TRAPPC9: variants seen among roughly 807,000 people sequenced by gnomAD.
TRAPPC9 encodes IKK2 binding protein.
Under a neutral mutation model 124.0 loss-of-function variants are expected in TRAPPC9, and 83 were observed. The ratio of observed to expected loss-of-function variants is 0.67; its 90% CI spans 0.56 to 0.80. The LOEUF is 0.80. Ranked by LOEUF, TRAPPC9 falls within the 30% of genes least tolerant of loss-of-function variation. The pLI, the probability that TRAPPC9 is intolerant of heterozygous loss-of-function variation, is 0.00. For synonymous variants in TRAPPC9, 638 were observed against 617.5 expected, an observed-to-expected ratio of 1.03 and a Z score of -0.49; for missense variants, 1,302 against 1,508.3, an observed-to-expected ratio of 0.86 and a Z score of 2.27.
chr8:140,272,190 T>C (rs1316230789), intron 15 of TRAPPC9, among the ~76,000 whole-genome samples: 1 of 121,246 alleles, frequency 8.2e-6, no homozygotes, highest in Non-Finnish European at 1.6e-5. Context: ...GTGGTTATGG[T>C]GGTGATGGTG....
At chr8:140,403,159 T>G (rs2069341207) in intron 6 of TRAPPC9, among the ~76,000 whole-genome samples, 1 of 152,198 alleles carries the variant, frequency 6.6e-6, no homozygotes, top group Non-Finnish European at 1.5e-5. Flanking sequence ...CCAGGTGCAG[T>G]GGCCAACGCC....
intron 18 of TRAPPC9, among the ~76,000 whole-genome samples, chr8:140,009,182 C>T (rs1838958818): frequency 6.6e-6 from 1 of 152,274 alleles, no homozygotes; most frequent in African/African-American, 2.4e-5. Context: ...GTCCTTGATA[C>T]TTCAGAAGAA....
chr8:140,381,540 C>T (rs1038594961), intron 7 of TRAPPC9, among the ~76,000 whole-genome samples: 6 of 150,378 alleles, frequency 4.0e-5, no homozygotes, highest in Middle Eastern at 3.5e-3. Context: ...TGGTGGCATG[C>T]GCCTGTAGTC....
At chr8:140,453,788 T>C (rs2071553138) in intron 1 of TRAPPC9, among the ~76,000 whole-genome samples, 1 of 151,920 alleles carries the variant, frequency 6.6e-6, no homozygotes, top group Non-Finnish European at 1.5e-5. Flanking sequence ...AAAACCACCT[T>C]CGAAAGAACC....
chr8:140,288,932 G>A (rs1044890412), intron 12 of TRAPPC9, among the ~76,000 whole-genome samples: 22 of 152,114 alleles, frequency 1.4e-4, no homozygotes, highest in Admixed American at 1.4e-3. Flanking sequence ...AAGCTACCCC[G>A]CAACTATCTC....
At position 140,002,844 on chromosome 8, in the gene TRAPPC9, CAAAAAAAAAAAAA is replaced by C. The variant is rs56895763; in HGVS notation, c.2700-14021_2700-14009del. On this transcript the variant is annotated intron_variant, in intron 18 of 22. Transcript: ENST00000438773. ...GTTGGGACAACTGGATTCCACTTAT[CAAAAAAAAAAAAA>C]AAAAAAAAAAGGAAAAGAAATTTAA... is the stretch of plus-strand genomic sequence containing the variant. Among the ~76,000 whole-genome samples the C allele has an allele frequency of 2.1e-3, 145 of 68,812 alleles. 2 individuals carry two copies. The highest frequency in any genetic ancestry group is 6.6e-3 in the African/African-American group (136 of 20,642). The allele number at this position is 68,812 out of a possible 152,430, so 45.1% of individuals were successfully genotyped here. A position where few individuals can be genotyped will look rare whatever the true frequency, so the allele number is the denominator to read the frequency against.
intron 15 of TRAPPC9, among the ~76,000 whole-genome samples, chr8:140,259,725 G>A (rs62527494): frequency 0.03 from 4,612 of 152,214 alleles, 107 homozygotes; most frequent in African/African-American, 0.065. Flanking sequence ...CTGTGTGGAC[G>A]AAGTGATTCC....
chr8:140,322,955 C>T (rs2066636637), intron 9 of TRAPPC9, among the ~76,000 whole-genome samples: 1 of 152,204 alleles, frequency 6.6e-6, no homozygotes, highest in South Asian at 2.1e-4. Context: ...CTTAGAATCT[C>T]CAAAGTGATG....
chr8:140,356,677 TCGG>T (rs1353966315), intron 9 of TRAPPC9, among the ~76,000 whole-genome samples: 4 of 151,652 alleles, frequency 2.6e-5, no homozygotes, highest in Admixed American at 2.6e-4. Context: ...TGGCATGATC[TCGG>T]CTCACTGCAA....
In TRAPPC9 at chr8:139,731,016, G is replaced by A. The variant is rs773182942; in HGVS notation, c.*45C>T. 2.5e-6 allele frequency: 4 copies of A among 1,603,140 alleles called. No individual in the cohort carries two copies. Among genetic ancestry groups the A allele is most frequent in the Middle Eastern group, 2.2e-4 (1 of 4,556 alleles). On this transcript the variant is annotated 3_prime_UTR_variant, in exon 23 of 23. Transcript: ENST00000438773. ...TGCAGGGGGTGTGGGAGGCCAGGCAGGGTCACCTCTGGCCCTGCAGAAAGA... is the reference window on the plus strand; with the variant it reads ...TGCAGGGGGTGTGGGAGGCCAGGCAAGGTCACCTCTGGCCCTGCAGAAAGA...
intron 9 of TRAPPC9, among the ~76,000 whole-genome samples, chr8:140,354,109 A>G (rs2067668403): frequency 1.3e-5 from 2 of 152,272 alleles, no homozygotes; most frequent in African/African-American, 2.4e-5. Context: ...GGCCAAATAC[A>G]GAGTGAATGT....
At chr8:140,418,446 C>T (rs1463958457) in intron 5 of TRAPPC9, among the ~76,000 whole-genome samples, 4 of 152,162 alleles carry the variant, frequency 2.6e-5, no homozygotes, top group Non-Finnish European at 2.9e-5. Flanking sequence ...CAAGGCCGGG[C>T]GCAGTGGCTC....
intron 21 of TRAPPC9, among the ~76,000 whole-genome samples, chr8:139,774,124 G>C (rs1586815288): frequency 6.6e-6 from 1 of 152,306 alleles, no homozygotes; most frequent in East Asian, 1.9e-4. Flanking sequence ...GAAGGCCACT[G>C]GGGCGGCAAG....
intron 18 of TRAPPC9, among the ~76,000 whole-genome samples, chr8:140,000,612 G>A (rs1311117604): frequency 6.6e-6 from 1 of 152,200 alleles, no homozygotes; most frequent in Non-Finnish European, 1.5e-5. Flanking sequence ...CATTTATGCA[G>A]CCAACAGACA....
At chr8:139,910,115 C>T (rs750627899) in intron 20 of TRAPPC9, 32 bp downstream of exon 20, 2 of 1,613,612 alleles carry the variant, frequency 1.2e-6, no homozygotes. Flanking sequence ...CAAAGGTGCC[C>T]CCAGGCCCAG....
In TRAPPC9 at chr8:139,784,619, A is replaced by ATG. The variant is rs1439575414; in HGVS notation, c.3056-52418_3056-52417insCA. On this transcript the variant is annotated intron_variant, in intron 21 of 22. Coordinates refer to ENST00000438773, the MANE Select transcript of TRAPPC9 (RefSeq NM_001160372.4). ...AAATAAAAGACTGACATATATATAT[A>ATG]TATATATATATATATATATATATAT... is the stretch of plus-strand genomic sequence containing the variant. 3.3e-4 allele frequency among the ~76,000 whole-genome samples: 43 copies of ATG among 128,996 alleles called. 1 individual carries two copies. Among genetic ancestry groups the ATG allele is most frequent in the Non-Finnish European group, 5.7e-4 (34 of 59,330 alleles). The allele number at this position is 128,996 out of a possible 152,430, so 84.6% of individuals were successfully genotyped here.
intron 21 of TRAPPC9, among the ~76,000 whole-genome samples, chr8:139,831,003 C>T (rs574670861): frequency 2.0e-5 from 3 of 152,332 alleles, no homozygotes; most frequent in South Asian, 4.1e-4. Context: ...CGAATGCTCA[C>T]GTGCACTTGG....
intron 21 of TRAPPC9, among the ~76,000 whole-genome samples, chr8:139,859,368 C>A (rs962108150): frequency 6.6e-6 from 1 of 152,154 alleles, no homozygotes; most frequent in African/African-American, 2.4e-5. Flanking sequence ...GTCCTAATGA[C>A]CCCCAGAGAC....
intron 21 of TRAPPC9, among the ~76,000 whole-genome samples, chr8:139,744,135 T>A (rs1477199135): frequency 2.0e-5 from 3 of 152,232 alleles, no homozygotes; most frequent in Admixed American, 2.0e-4. Flanking sequence ...CTTGACCAAC[T>A]ATGCCAATAT....
Sources: gnomAD v4.1 joint callset for allele counts (sites outside exome capture counted in the v4.1 genomes callset) on GRCh38, gnomAD v4.1.1 for gene constraint, MANE v1.5 for transcripts, NCBI Gene and HGNC (gene_info 2026-07-23, HGNC 2026-07-21) for gene names.